Variants in ERBB4 observed in about 807,000 individuals in gnomAD.
The protein encoded by ERBB4 is receptor tyrosine-protein kinase erbB-4.
In ERBB4, 42 loss-of-function variants were observed where a neutral mutation model predicts 158.0. The observed-to-expected ratio is 0.27, with a 90% CI of 0.21 to 0.34. The LOEUF (loss-of-function observed/expected upper bound fraction) is 0.34, where lower values mean the gene tolerates loss of function less well. Ranked by LOEUF, ERBB4 falls within the 10% of genes least tolerant of loss-of-function variation. The probability of loss-of-function intolerance (pLI) is 1.00; values close to 1 mark genes in which losing one functional copy is unlikely to be tolerated. For missense variants in ERBB4, 1,333 were observed against 1,624.1 expected, an observed-to-expected ratio of 0.82 and a Z score of 3.08; for synonymous variants, 583 against 558.7, an observed-to-expected ratio of 1.04 and a Z score of -0.61.
In ERBB4 at chr2:211,929,241, G is replaced by A. The variant is rs1459606912; in HGVS notation, c.421+18189C>T. Among the ~76,000 whole-genome samples the A allele has an allele frequency of 8.7e-5, 13 of 148,916 alleles. No individual in the cohort carries two copies. In the South Asian group the frequency reaches 1.7e-3, roughly 19 times the overall value. On this transcript the variant is annotated intron_variant, in intron 3 of 27. Coordinates refer to ENST00000342788, the MANE Select transcript of ERBB4 (RefSeq NM_005235.3). ...CTGTTTATCTTTGGAATAAGTGTGT[G>A]TGTGTGTGTGTGTGTGTGTGTGTGA...
chr2:211,959,927 G>C (rs2081135967), intron 2 of ERBB4, among the ~76,000 whole-genome samples: 1 of 152,020 alleles, frequency 6.6e-6, no homozygotes, highest in Admixed American at 6.6e-5. Flanking sequence ...CCATGATTAA[G>C]ATTCTGAATA....
intron 1 of ERBB4, among the ~76,000 whole-genome samples, chr2:212,501,577 A>G (rs1323074065): frequency 6.6e-6 from 1 of 152,190 alleles, no homozygotes; most frequent in Non-Finnish European, 1.5e-5. Context: ...TTTTTTATTT[A>G]AAACACAAAT....
intron 19 of ERBB4, among the ~76,000 whole-genome samples, chr2:211,594,327 T>C (rs935302085): frequency 3.9e-5 from 6 of 151,978 alleles, no homozygotes; most frequent in Admixed American, 2.0e-4. Flanking sequence ...TAGTCCCAGC[T>C]ACTCAGGAGG....
At chr2:211,659,312 CT>C (rs1303488673) in intron 15 of ERBB4, among the ~76,000 whole-genome samples, 1 of 151,798 alleles carries the variant, frequency 6.6e-6, no homozygotes, top group Non-Finnish European at 1.5e-5. Flanking sequence ...TATGAAAAGT[CT>C]TTTAAAAAGC....
chr2:211,748,024 C>T (rs948590446), intron 5 of ERBB4, among the ~76,000 whole-genome samples: 17 of 151,438 alleles, frequency 1.1e-4, no homozygotes, highest in East Asian at 7.8e-4. Flanking sequence ...GTAAATGCTA[C>T]GTAAATAGAT....
chr2:212,486,248 G>T (rs1227291378), intron 1 of ERBB4, among the ~76,000 whole-genome samples: 3 of 152,126 alleles, frequency 2.0e-5, no homozygotes, highest in African/African-American at 7.2e-5. Context: ...TTGGTAAAAT[G>T]AGGGGAGAAG....
chr2:211,683,716 T>A (rs960756148), intron 12 of ERBB4, among the ~76,000 whole-genome samples: 2 of 150,334 alleles, frequency 1.3e-5, no homozygotes, highest in African/African-American at 4.9e-5. Context: ...ATTGCTGGGT[T>A]ATATGGTAGT....
chr2:212,027,445 G>A (rs1271315528), intron 2 of ERBB4, among the ~76,000 whole-genome samples: 1 of 151,934 alleles, frequency 6.6e-6, no homozygotes, highest in Admixed American at 6.6e-5. Flanking sequence ...GTATACAAAA[G>A]TGATCCAAAA....
chr2:211,510,833 A>G (rs2065867885), intron 20 of ERBB4, among the ~76,000 whole-genome samples: 1 of 152,080 alleles, frequency 6.6e-6, no homozygotes, highest in South Asian at 2.1e-4. Context: ...CTTTGAAAGA[A>G]TATGACAATC....
chr2:212,506,320 A>G (rs1479939228), intron 1 of ERBB4, among the ~76,000 whole-genome samples: 3 of 148,470 alleles, frequency 2.0e-5, no homozygotes, highest in Admixed American at 6.7e-5. Context: ...TAACCATACA[A>G]TGGTCTTTAA....
At chr2:212,236,731 T>C (rs936538435) in intron 1 of ERBB4, among the ~76,000 whole-genome samples, 11 of 152,230 alleles carry the variant, frequency 7.2e-5, no homozygotes, top group Non-Finnish European at 1.0e-4. Context: ...TCATTTCTTC[T>C]AGATTTTCTA....
chr2:212,490,258 T>C (rs967886801), intron 1 of ERBB4, among the ~76,000 whole-genome samples: 4 of 151,890 alleles, frequency 2.6e-5, no homozygotes, highest in Admixed American at 6.6e-5. Context: ...ATCTTATCCA[T>C]TGTTTCATCT....
chr2:211,414,473 G>GTGAC (rs2063337164), intron 25 of ERBB4, among the ~76,000 whole-genome samples: 1 of 144,988 alleles, frequency 6.9e-6, no homozygotes, highest in Admixed American at 6.9e-5. Flanking sequence ...TCCAGCCTGG[G>GTGAC]TGACAGAGCC....
intron 3 of ERBB4, among the ~76,000 whole-genome samples, chr2:211,809,378 G>A (rs2076695748): frequency 6.6e-6 from 1 of 152,166 alleles, no homozygotes; most frequent in Non-Finnish European, 1.5e-5. Context: ...CCTGTTATTG[G>A]TCTATTCAGA....
chr2:212,162,949 T>A (rs911941618), intron 1 of ERBB4, among the ~76,000 whole-genome samples: 1 of 151,974 alleles, frequency 6.6e-6, no homozygotes, highest in Non-Finnish European at 1.5e-5. Context: ...TCAAAAGATT[T>A]CTTTTTGTGT....
intron 20 of ERBB4, among the ~76,000 whole-genome samples, chr2:211,502,048 T>C (rs1414331062): frequency 6.6e-6 from 1 of 152,160 alleles, no homozygotes; most frequent in Non-Finnish European, 1.5e-5. Context: ...TTGTTTTGGA[T>C]CCCTGCTTAC....
chr2:212,070,125 G>GA (rs941756315), intron 2 of ERBB4, among the ~76,000 whole-genome samples: 2 of 151,614 alleles, frequency 1.3e-5, no homozygotes, highest in East Asian at 1.9e-4. Context: ...GTCTCTTAAA[G>GA]AAAAAATGAA....
intron 20 of ERBB4, among the ~76,000 whole-genome samples, chr2:211,524,504 A>C (rs1005085138): frequency 6.6e-6 from 1 of 151,634 alleles, no homozygotes; most frequent in Non-Finnish European, 1.5e-5. Context: ...GGCGGGCTGC[A>C]GGTCCCGAGC....
chr2:211,668,592 T>A (rs1004204806), intron 14 of ERBB4, among the ~76,000 whole-genome samples: 1 of 148,336 alleles, frequency 6.7e-6, no homozygotes, highest in Non-Finnish European at 1.5e-5. Flanking sequence ...GAAGCATGAC[T>A]TTTTTTTTTG....
Sources: allele counts gnomAD v4.1 joint callset (sites outside exome capture counted in the v4.1 genomes callset), GRCh38; gene constraint gnomAD v4.1.1; transcripts MANE v1.5; gene names NCBI Gene and HGNC (gene_info 2026-07-23, HGNC 2026-07-21).